The following TECPR1 variants were observed in gnomAD, a reference collection of about 807,000 sequenced individuals.
TECPR1 encodes tectonin beta-propeller repeat-containing protein 1.
TECPR1 carries 122 observed loss-of-function variants against 162.4 expected under a neutral mutation model. The observed-to-expected ratio is 0.75, with a 90% CI of 0.65 to 0.87. The LOEUF is 0.87. Ranked by LOEUF, TECPR1 falls within the 40% of genes least tolerant of loss-of-function variation. The pLI is 0.00. For missense variants in TECPR1, 1,432 were observed against 1,618.2 expected (o/e 0.88, Z 1.97); for synonymous variants, 642 against 670.6 (o/e 0.96, Z 0.66).
In TECPR1 at chr7:98,216,791, T is replaced by C. The variant is rs1362568916; in HGVS notation, c.*599A>G. The C allele has an allele frequency of 6.6e-6, 1 of 152,152 alleles. No individual in the cohort carries two copies. Among genetic ancestry groups the C allele is most frequent in the Non-Finnish European group, 1.5e-5 (1 of 68,138 alleles). The allele number at this position is 152,152 out of a possible 1,614,324, so 9.4% of individuals were successfully genotyped here. A position where few individuals can be genotyped will look rare whatever the true frequency, so the allele number is the denominator to read the frequency against. On this transcript the variant is annotated 3_prime_UTR_variant, in exon 26 of 26. Coordinates refer to ENST00000447648, the MANE Select transcript of TECPR1 (RefSeq NM_015395.3). The stretch of plus-strand genomic sequence containing the variant: ...TGTTGGCCCGTCTGGTTTGAAACTC[T>C]TGACCTAGGTGATCTGCCCACCTCA...
chr7:98,222,602 C>T, intron 21 of TECPR1, 81 bp from the exon 22 acceptor site: 1 of 1,496,592 alleles, frequency 6.7e-7, no homozygotes, highest in Non-Finnish European at 9.0e-7. Context: ...CAGAAATGGG[C>T]CTAGCGCGTG....
intron 23 of TECPR1, among the ~76,000 whole-genome samples, chr7:98,219,241 A>G (rs1798086808): frequency 6.6e-6 from 1 of 152,254 alleles, no homozygotes; most frequent in African/African-American, 2.4e-5. Context: ...AAACAACTCA[A>G]GATGAATCAA....
chr7:98,236,511 C>A (rs1798603508), intron 10 of TECPR1, among the ~76,000 whole-genome samples: 1 of 151,904 alleles, frequency 6.6e-6, no homozygotes, highest in Non-Finnish European at 1.5e-5. Flanking sequence ...CCTTACCCTG[C>A]TCCCAGGTGC....
In TECPR1 at chr7:98,241,106, G is replaced by C; in HGVS notation, c.796C>G (p.Leu266Val). Residue 266 changes from leucine to valine, a missense_variant, in exon 7 of 26, where the codon CTG (leucine) becomes GTG (valine). Leu to Val is a conservative substitution (Grantham distance 32). Transcript: ENST00000447648. This position sits in a 1 kb window ranked among gnomAD's most constrained non-coding sequence, Gnocchi z 5.0. ...LWATLWEGQA[L>V]VREGINRSNP... ...CTCCTGTTGATTCCTTCCCGGACCA[G>C]GGCCTGTCCCTCCCAGAGTGTGGCC... 1 of 1,610,946 alleles carries C rather than the reference G, an allele frequency of 6.2e-7. No homozygotes were observed. Among genetic ancestry groups the C allele is most frequent in the Non-Finnish European group, 8.5e-7 (1 of 1,178,854 alleles).
intron 17 of TECPR1, among the ~76,000 whole-genome samples, 193 bp downstream of exon 17, chr7:98,227,821 C>A (rs1480159668): frequency 4.3e-3 from 445 of 102,328 alleles, no homozygotes; most frequent in South Asian, 9.5e-3. Context: ...GACCCTGTAT[C>A]AAAAAAAAAA....
intron 16 of TECPR1, 23 bp downstream of exon 16, chr7:98,229,016 G>C (rs748583498): frequency 2.5e-6 from 4 of 1,596,350 alleles, no homozygotes; most frequent in Non-Finnish European, 3.4e-6. Context: ...GAAGGCTCCG[G>C]GGGGGCTGTG....
chr7:98,247,550 C>G (rs544509053), intron 2 of TECPR1, among the ~76,000 whole-genome samples: 2 of 152,096 alleles, frequency 1.3e-5, no homozygotes, highest in African/African-American at 2.4e-5. Flanking sequence ...GTGGGCAGGT[C>G]TCCCCGCCAT....
chr7:98,224,681 C>T (rs1798229941), intron 19 of TECPR1, 120 bp downstream of exon 19: 2 of 1,006,988 alleles, frequency 2.0e-6, no homozygotes, highest in Non-Finnish European at 2.9e-6. Flanking sequence ...GGGGTCTGCT[C>T]CTTGGCCAGG....
At chr7:98,222,749 C>T (rs781756456) in intron 21 of TECPR1, 12 of 780,560 alleles carry the variant, frequency 1.5e-5, no homozygotes, top group Admixed American at 7.5e-5. Context: ...TGCACCTCAC[C>T]GGGGTGCTGA....
chr7:98,227,821 C>CAAAA (rs61468739), intron 17 of TECPR1, among the ~76,000 whole-genome samples, 193 bp downstream of exon 17: 10 of 102,576 alleles, frequency 9.7e-5, no homozygotes, highest in Non-Finnish European at 1.7e-4. Flanking sequence ...GACCCTGTAT[C>CAAAA]AAAAAAAAAA....
chr7:98,238,505 A>G lies in TECPR1; in HGVS notation c.1035+4T>C. ...GTTTAGGGGCTGCAGACCCACGTGC[A>G]CACCTGGTCGTTCATTCCCACGTTC... On this transcript the variant is annotated splice_donor_region_variant and intron_variant, in intron 9 of 25. Coordinates refer to ENST00000447648, the MANE Select transcript of TECPR1 (RefSeq NM_015395.3). 1 of 1,557,422 alleles carries G rather than the reference A, an allele frequency of 6.4e-7. No homozygotes were observed. The highest frequency in any genetic ancestry group is 8.7e-7 in the Non-Finnish European group (1 of 1,150,828).
At chr7:98,237,071 G>C (rs2116597264) in intron 9 of TECPR1, 150 bp from the exon 10 acceptor site, 2 of 856,450 alleles carry the variant, frequency 2.3e-6, no homozygotes, top group Non-Finnish European at 3.3e-6. Context: ...GGTGGGCACA[G>C]AAGTCAAATA....
chr7:98,246,104 C>G lies in TECPR1; in HGVS notation c.43G>C (p.Val15Leu), dbSNP rs1584359351. 1 of 1,555,946 alleles carries G rather than the reference C, an allele frequency of 6.4e-7. No individual in the cohort carries two copies. Among genetic ancestry groups the G allele is most frequent in the African/African-American group, 1.4e-5 (1 of 73,284 alleles). The change falls in exon 3 of 26, where the codon GTG becomes CTG. Residue 15 changes from valine (V) to leucine (L), a missense_variant. By Grantham distance (32) the Val-to-Leu change is conservative. Transcript: ENST00000447648. ...VLWAVDLFGR[V>L]YTLSTAGQYW... ...TGGCCTGCTGTGGACAGCGTGTACA[C>G]TCTCCCGAAGAGGTCCACCGCCCAC...
At chr7:98,237,135 G>A (rs1175463073) in intron 9 of TECPR1, among the ~76,000 whole-genome samples, 1 of 151,958 alleles carries the variant, frequency 6.6e-6, no homozygotes, top group Admixed American at 6.6e-5. Flanking sequence ...CTGACCTCAG[G>A]CAGACCCAGG....
chr7:98,233,600 A>G lies in TECPR1; in HGVS notation c.1493T>C (p.Val498Ala). The change falls in exon 11 of 26, where the codon GTG becomes GCG. Residue 498 changes from valine (V) to alanine (A), a missense_variant. Physicochemically the swap from Val to Ala is moderately conservative, Grantham distance 64. Transcript: ENST00000447648. The part of the protein sequence containing the change: ...TNIDLKEAKK[V>A]PSHSAAGFPE... Reference sequence around the variant, plus strand: ...GAAGCCAGCGGCCGAGTGGCTGGGCACTTTCTTGGCCTCCTTGAGGTCAAT... The same window carrying G: ...GAAGCCAGCGGCCGAGTGGCTGGGCGCTTTCTTGGCCTCCTTGAGGTCAAT... 1 of 1,588,318 alleles carries G rather than the reference A, an allele frequency of 6.3e-7. No homozygotes were observed. Among genetic ancestry groups the G allele is most frequent in the Non-Finnish European group, 8.6e-7 (1 of 1,169,564 alleles).
chr7:98,248,336 C>A (rs886817965), intron 2 of TECPR1, among the ~76,000 whole-genome samples: 10 of 151,846 alleles, frequency 6.6e-5, no homozygotes, highest in Non-Finnish European at 4.4e-5. Flanking sequence ...GAGGAAAGAG[C>A]CTACAGATGA....
intron 23 of TECPR1, among the ~76,000 whole-genome samples, chr7:98,221,283 CAA>C (rs1798132771): frequency 6.6e-6 from 1 of 152,000 alleles, no homozygotes; most frequent in South Asian, 2.1e-4. Context: ...GCCTGGGAGA[CAA>C]GAGCGAAACT....
At position 98,223,724 on chromosome 7, in the gene TECPR1, AG is replaced by A; in HGVS notation, c.2691-7del. 1.9e-6 allele frequency: 3 copies of A among 1,613,686 alleles called. No homozygotes were observed. Among genetic ancestry groups the A allele is most frequent in the Non-Finnish European group, 2.5e-6 (3 of 1,179,752 alleles). ...TTTTGGACCCATGGTATGAGCTGCAAGGAGGAAGAAGATGAAATCAGGGCCA... is the reference window on the plus strand; with the variant it reads ...TTTTGGACCCATGGTATGAGCTGCAAGAGGAAGAAGATGAAATCAGGGCCA... On this transcript the variant is annotated splice_region_variant and splice_polypyrimidine_tract_variant and intron_variant, in intron 19 of 25. Coordinates refer to ENST00000447648, the MANE Select transcript of TECPR1 (RefSeq NM_015395.3).
rs1798058891 is a variant in TECPR1 at position 98,218,047 on chromosome 7, G to A, written c.3158-5C>T. ...CTTGGCGATACCACAGGTTTCCTGG[G>A]GAGAAAAGCAGTGAGGGTCAAAGGG... On this transcript the variant is annotated splice_region_variant and splice_polypyrimidine_tract_variant and intron_variant, in intron 23 of 25. Coordinates refer to ENST00000447648, the MANE Select transcript of TECPR1 (RefSeq NM_015395.3). 4 of 1,557,860 alleles carry A rather than the reference G, an allele frequency of 2.6e-6. No individual in the cohort carries two copies. The highest frequency in any genetic ancestry group is 3.5e-6 in the Non-Finnish European group (4 of 1,151,406).
Sources: gnomAD v4.1 joint callset for allele counts (sites outside exome capture counted in the v4.1 genomes callset) on GRCh38, gnomAD v4.1.1 for gene constraint, Gnocchi (gnomAD v3.1) non-coding constraint, MANE v1.5 for transcripts, NCBI Gene and HGNC (gene_info 2026-07-23, HGNC 2026-07-21) for gene names.